LRFN5: variants seen among roughly 807,000 people sequenced by gnomAD.
LRFN5 encodes the protein leucine-rich repeat and fibronectin type-III domain-containing protein 5.
Under a neutral mutation model 45.6 loss-of-function variants are expected in LRFN5, and 24 were observed. That is an observed-to-expected ratio of 0.53 (90% CI 0.38 to 0.74). The LOEUF (loss-of-function observed/expected upper bound fraction) is 0.74. LRFN5 is among the 30% of genes least tolerant of loss of function. LRFN5 has a pLI of 0.00. For synonymous variants in LRFN5, 340 were observed against 313.8 expected, an observed-to-expected ratio of 1.08 and a Z score of -0.88; for missense variants, 776 against 861.5, an observed-to-expected ratio of 0.90 and a Z score of 1.24.
intron 1 of LRFN5, among the ~76,000 whole-genome samples, chr14:41,750,758 A>C (rs1468967119): frequency 6.6e-6 from 1 of 152,122 alleles, no homozygotes; most frequent in Admixed American, 6.6e-5. Context: ...GGAGTAAGGC[A>C]AAGGGGAAGC....
intron 1 of LRFN5, among the ~76,000 whole-genome samples, chr14:41,704,408 T>TTCTCTCTCTCTCTCTCTCTCTCTC (rs141458106): frequency 7.8e-5 from 8 of 102,350 alleles, no homozygotes; most frequent in African/African-American, 3.3e-4. Context: ...TGTTATACTT[T>TTCTCTCTCTCTCTCTCTCTCTCTC]TCTCTCTCTC....
At chr14:41,813,858 C>T (rs894833551) in intron 2 of LRFN5, among the ~76,000 whole-genome samples, 26 of 152,078 alleles carry the variant, frequency 1.7e-4, no homozygotes, top group Admixed American at 1.6e-3. Flanking sequence ...GCGTCTGTTG[C>T]TTCCTGACTT....
chr14:41,722,131 A>G (rs573150711), intron 1 of LRFN5, among the ~76,000 whole-genome samples: 3 of 152,020 alleles, frequency 2.0e-5, no homozygotes, highest in Non-Finnish European at 4.4e-5. Context: ...AAGCTCTGAA[A>G]TTCTTTTTTT....
Position 41,887,577 on chromosome 14 carries a change from A to C in LRFN5, c.952A>C (p.Ile318Leu). ...CKARGDPEPA[I>L]HWISPEGKLI... ...AGCCAGGGGAGACCCTGAGCCTGCA[A>C]TTCACTGGATTTCTCCTGAAGGGAA... is the stretch of plus-strand genomic sequence containing the variant. Residue 318 changes from isoleucine to leucine, a missense_variant, in exon 3 of 6, where the codon ATT (isoleucine) becomes CTT (leucine). By Grantham distance (5) the Ile-to-Leu change is conservative (BLOSUM62 2). This residue lies in a region of LRFN5 where 311 missense variants were observed against 405.1 expected (regional missense o/e 0.77). Coordinates refer to ENST00000298119, the MANE Select transcript of LRFN5 (RefSeq NM_152447.5). The surrounding 1 kb of genome is among the most constrained non-coding windows in gnomAD (Gnocchi z 4.8). 3 of 1,614,200 alleles carry C rather than the reference A, an allele frequency of 1.9e-6. No homozygotes were observed. In the South Asian group the frequency reaches 3.3e-5, roughly 18 times the overall value.
intron 2 of LRFN5, among the ~76,000 whole-genome samples, chr14:41,864,072 T>C (rs1038310353): frequency 3.3e-5 from 5 of 152,234 alleles, no homozygotes; most frequent in Admixed American, 6.5e-5. Flanking sequence ...CAGTCTGTCA[T>C]TGATGGGCAT....
chr14:41,875,363 C>T (rs1022669024), intron 2 of LRFN5, among the ~76,000 whole-genome samples: 2 of 152,262 alleles, frequency 1.3e-5, no homozygotes, highest in African/African-American at 4.8e-5. Context: ...CCTCTTAGCA[C>T]TAGCCTTTTC....
intron 2 of LRFN5, among the ~76,000 whole-genome samples, chr14:41,794,549 C>G (rs1357158993): frequency 6.6e-6 from 1 of 151,890 alleles, no homozygotes; most frequent in Non-Finnish European, 1.5e-5. Flanking sequence ...AGGAGTGTAG[C>G]CTTCATATGC....
chr14:41,659,418 A>G (rs981458392), intron 1 of LRFN5, among the ~76,000 whole-genome samples: 1 of 152,110 alleles, frequency 6.6e-6, no homozygotes, highest in Non-Finnish European at 1.5e-5. Flanking sequence ...TCCATGGTGT[A>G]TATGTGCCAC....
At chr14:41,822,802 T>G (rs1888159927) in intron 2 of LRFN5, among the ~76,000 whole-genome samples, 1 of 151,876 alleles carries the variant, frequency 6.6e-6, no homozygotes, top group South Asian at 2.1e-4. Flanking sequence ...CTAGTAACAT[T>G]TCTTTATGAA....
intron 2 of LRFN5, among the ~76,000 whole-genome samples, chr14:41,856,700 G>A (rs1156620677): frequency 1.1e-3 from 2 of 1,896 alleles, no homozygotes; most frequent in Non-Finnish European, 5.5e-3. Flanking sequence ...TTTTTGAGAC[G>A]GAGTCTCGTT....
At chr14:41,868,497 C>A (rs1566493648) in intron 2 of LRFN5, among the ~76,000 whole-genome samples, 2 of 152,014 alleles carry the variant, frequency 1.3e-5, no homozygotes, top group African/African-American at 2.4e-5. Flanking sequence ...TCTAAAAAAT[C>A]CTGAATAAGT....
chr14:41,890,346 G>A (rs1463230986), intron 3 of LRFN5, among the ~76,000 whole-genome samples: 2 of 152,112 alleles, frequency 1.3e-5, no homozygotes, highest in East Asian at 1.9e-4. Flanking sequence ...TTATCCTCAT[G>A]TATAGATAAA....
At chr14:41,664,173 T>G (rs1056270060) in intron 1 of LRFN5, among the ~76,000 whole-genome samples, 10 of 152,172 alleles carry the variant, frequency 6.6e-5, no homozygotes, top group African/African-American at 2.2e-4. Context: ...AAAATTATAA[T>G]AAGAATTTGC....
At chr14:41,707,568 A>C (rs1597045) in intron 1 of LRFN5, among the ~76,000 whole-genome samples, 121,180 of 152,030 alleles carry the variant, frequency 0.8, 49,029 homozygotes, top group East Asian at 0.97. Flanking sequence ...TGAAATATGA[A>C]CCTTGCCACT....
intron 2 of LRFN5, among the ~76,000 whole-genome samples, chr14:41,882,529 C>A (rs1035878749): frequency 2.0e-5 from 3 of 152,062 alleles, no homozygotes; most frequent in Non-Finnish European, 4.4e-5. Flanking sequence ...CCTTTCCTTC[C>A]TCAATTTTTT....
At position 41,891,902 on chromosome 14, in the gene LRFN5, A is replaced by T; in HGVS notation, c.2038A>T (p.Ser680Cys). The T allele has an allele frequency of 1.2e-6, 2 of 1,614,164 alleles. No individual in the cohort carries two copies. The highest frequency in any genetic ancestry group is 1.7e-6 in the Non-Finnish European group (2 of 1,180,024). Residue 680 changes from serine (S) to cysteine (C), a missense_variant, in exon 4 of 6, where the codon AGC (serine) becomes TGC (cysteine). Coordinates refer to ENST00000298119, the MANE Select transcript of LRFN5 (RefSeq NM_152447.5). ...RNNSTALQLA[S>C]RPPDSVTEGP... ...CAACTCAACTGCCTTGCAGTTAGCT[A>T]GCCGTCCTCCCGATTCTGTCACAGA...
In LRFN5 at chr14:41,887,675, G is replaced by A. The variant is rs772683159; in HGVS notation, c.1050G>A (p.Lys350=). 1.9e-6 allele frequency: 3 copies of A among 1,614,152 alleles called. No homozygotes were observed. The South Asian group carries it at 3.3e-5, about 18-fold the overall frequency. ...TTGACATTCTTATCACAACTGTAAA[G>A]GATACAGGTGCTTTTACCTGCATTG... ...GTLDILITTV[K]DTGAFTCIAS... is the part of the protein sequence containing the mutation. The change falls in exon 3 of 6, where the codon AAG becomes AAA. Residue 350 remains lysine, a synonymous_variant. Transcript: ENST00000298119. The surrounding 1 kb of genome is among the most constrained non-coding windows in gnomAD (Gnocchi z 4.8).
At chr14:41,734,316 T>TA (rs1884314909) in intron 1 of LRFN5, among the ~76,000 whole-genome samples, 1 of 38,768 alleles carries the variant, frequency 2.6e-5, no homozygotes, top group African/African-American at 5.3e-5. Flanking sequence ...TGGACTGGTT[T>TA]TATATATATA....
At position 41,840,457 on chromosome 14, in the gene LRFN5, T is replaced by A. The variant is rs75182210; in HGVS notation, c.-20-46149T>A. ...TGGAATGACTTCTGTTATTATTTAA[T>A]CACATCTGTTAAATATTTTAGTATC... On this transcript the variant is annotated intron_variant, in intron 2 of 5. Transcript: ENST00000298119. 4.6e-5 allele frequency among the ~76,000 whole-genome samples: 7 copies of A among 152,182 alleles called. No individual in the cohort carries two copies. The East Asian group carries it at 1.3e-3, about 29-fold the overall frequency.
Sources: gnomAD v4.1 joint callset for allele counts (sites outside exome capture counted in the v4.1 genomes callset) on GRCh38, gnomAD v4.1.1 for gene constraint, gnomAD v4.1.1 regional missense constraint, Gnocchi (gnomAD v3.1) non-coding constraint, MANE v1.5 for transcripts, NCBI Gene and HGNC (gene_info 2026-07-23, HGNC 2026-07-21) for gene names.